The following ABCA5 variants were observed in gnomAD, a reference collection of about 807,000 sequenced individuals.
ABCA5 encodes the protein cholesterol transporter ABCA5.
Under a neutral mutation model 206.0 loss-of-function variants are expected in ABCA5, and 163 were observed. That is an observed-to-expected ratio of 0.79 (90% CI 0.70 to 0.90). The LOEUF is 0.90. Ranked by LOEUF, ABCA5 falls within the 40% of genes least tolerant of loss-of-function variation. The pLI is 0.00. For missense variants in ABCA5, 1,859 were observed against 1,912.9 expected, an observed-to-expected ratio of 0.97 and a Z score of 0.53; for synonymous variants, 609 against 613.8, an observed-to-expected ratio of 0.99 and a Z score of 0.11.
chr17:69,277,545 T>C (rs2075347650), intron 19 of ABCA5, 96 bp downstream of exon 19: 1 of 959,324 alleles, frequency 1.0e-6, no homozygotes, highest in African/African-American at 1.7e-5. Flanking sequence ...ATATAAATTA[T>C]TTACATATGT....
intron 16 of ABCA5, 26 bp from the exon 17 acceptor site, chr17:69,286,063 A>G (rs1485650755): frequency 2.5e-6 from 4 of 1,595,150 alleles, no homozygotes; most frequent in South Asian, 1.1e-5. Flanking sequence ...AATCACAATT[A>G]ATGATTATAC....
At position 69,261,186 on chromosome 17, in the gene ABCA5, T is replaced by C. The variant is rs2075142824; in HGVS notation, c.3503A>G (p.Tyr1168Cys). The C allele has an allele frequency of 2.5e-6, 4 of 1,608,332 alleles. No individual in the cohort carries two copies. The highest frequency in any genetic ancestry group is 3.4e-6 in the Non-Finnish European group (4 of 1,176,882). The change falls in exon 26 of 39, where the codon TAT (tyrosine) becomes TGT (cysteine). Residue 1168 changes from tyrosine (Y) to cysteine (C), a missense_variant. Tyr to Cys is a radical substitution (Grantham distance 194). Transcript: ENST00000392676. ...GATTGGAATGATGATACAAAAGGCA[T>C]AATGAAGAATAGTTGCAATTGTGTA... ...MGYTIATILH[Y>C]AFCIIIPIYP...
In ABCA5 at chr17:69,250,533, C is replaced by G. The variant is rs118115378; in HGVS notation, c.4624G>C (p.Glu1542Gln). 8.7e-6 allele frequency: 14 copies of G among 1,604,820 alleles called. No homozygotes were observed. Among genetic ancestry groups the G allele is most frequent in the Admixed American group, 1.7e-5 (1 of 57,808 alleles). ...IKLKDWIENLEVDRLQREIQY... is the reference protein window; with the variant it reads ...IKLKDWIENLQVDRLQREIQY... ...ATTTCTCTTTGAAGGCGGTCTACTT[C>G]TAGGTTTTCTATCCAGTCCTTCAAT... The change falls in exon 36 of 39, where the codon GAA becomes CAA. Residue 1542 changes from glutamate (E) to glutamine (Q), a missense_variant. Glu to Gln is a conservative substitution (Grantham distance 29). Transcript: ENST00000392676.
At chr17:69,322,409 G>A (rs9912665) in intron 1 of ABCA5, among the ~76,000 whole-genome samples, 14,293 of 138,422 alleles carry the variant, frequency 0.1, 757 homozygotes, top group Middle Eastern at 0.12. Flanking sequence ...TACGTTCCAA[G>A]TCCTACGAAA....
At chr17:69,320,393 C>T (rs1339736817) in intron 1 of ABCA5, among the ~76,000 whole-genome samples, 1 of 152,160 alleles carries the variant, frequency 6.6e-6, no homozygotes, top group Non-Finnish European at 1.5e-5. Flanking sequence ...AGTATTAACT[C>T]TGTCATCAAA....
intron 18 of ABCA5, 94 bp from the exon 19 acceptor site, chr17:69,277,936 C>T (rs1201165879): frequency 1.1e-6 from 1 of 922,040 alleles, no homozygotes; most frequent in Non-Finnish European, 1.6e-6. Flanking sequence ...ATTGGTCTGG[C>T]AGTTATGTGG....
At chr17:69,305,970 A>C (rs2145023487) in intron 6 of ABCA5, among the ~76,000 whole-genome samples, 1 of 152,338 alleles carries the variant, frequency 6.6e-6, no homozygotes, top group South Asian at 2.1e-4. Context: ...GTAAAGTGTT[A>C]ATGATTAATT....
chr17:69,261,788 C>T lies in ABCA5; in HGVS notation c.3316-40G>A, dbSNP rs187949751. ...TATGTTTCTATAAAAATATGAATAGCTTGCAATACACATGACATGAAATAC... is the reference window on the plus strand; with the variant it reads ...TATGTTTCTATAAAAATATGAATAGTTTGCAATACACATGACATGAAATAC... On this transcript the variant is annotated intron_variant, in intron 24 of 38. Coordinates refer to ENST00000392676, the MANE Select transcript of ABCA5 (RefSeq NM_172232.4). 65 of 805,780 alleles carry T rather than the reference C, an allele frequency of 8.1e-5. No individual in the cohort carries two copies. In the African/African-American group the frequency reaches 9.3e-4, roughly 12 times the overall value. 49.9% of individuals were successfully genotyped at this position (805,780 alleles called of 1,614,324 possible).
At chr17:69,264,000 T>C (rs1475210056) in intron 24 of ABCA5, among the ~76,000 whole-genome samples, 5 of 152,122 alleles carry the variant, frequency 3.3e-5, no homozygotes, top group Admixed American at 3.3e-4. Context: ...CCAGCTTATG[T>C]AGGATTCCTT....
intron 32 of ABCA5, 92 bp downstream of exon 32, chr17:69,254,223 G>T: frequency 1.9e-6 from 2 of 1,046,040 alleles, no homozygotes; most frequent in Non-Finnish European, 1.4e-6. Context: ...AAAAATCATT[G>T]TCCACAGAAA....
In ABCA5 at chr17:69,271,219, A is replaced by G; in HGVS notation, c.2835T>C (p.Ser945=). ...TATGGGGAGCCACGGATACATAGTC[A>G]CTGTCATTAATCATCGTCACCATTA... The part of the protein sequence containing the change: ...QNIMVTMIND[S]DYVSVAPHSA... Residue 945 remains serine (S), a synonymous_variant, in exon 21 of 39, where the codon AGT becomes AGC. Coordinates refer to ENST00000392676, the MANE Select transcript of ABCA5 (RefSeq NM_172232.4). 6.2e-7 allele frequency: 1 copy of G among 1,613,458 alleles called. No individual in the cohort carries two copies. Among genetic ancestry groups the G allele is most frequent in the Non-Finnish European group, 8.5e-7 (1 of 1,179,536 alleles).
chr17:69,273,846 GCAGA>G (rs2075301150), intron 20 of ABCA5, 109 bp downstream of exon 20: 1 of 971,726 alleles, frequency 1.0e-6, no homozygotes, highest in South Asian at 2.2e-5. Context: ...TAGATTTCAT[GCAGA>G]CAGACCATGC....
chr17:69,287,897 A>AG, intron 14 of ABCA5, 146 bp from the exon 15 acceptor site: 1 of 799,600 alleles, frequency 1.3e-6, no homozygotes, highest in South Asian at 4.1e-5. Flanking sequence ...TTCATAATTG[A>AG]GTTCACATAA....
chr17:69,275,195 T>C (rs1313373552), intron 19 of ABCA5, among the ~76,000 whole-genome samples: 2 of 152,118 alleles, frequency 1.3e-5, no homozygotes, highest in African/African-American at 4.8e-5. Flanking sequence ...GAGAAGCAAA[T>C]AAAAATACAA....
At chr17:69,264,136 G>A (rs1013663479) in intron 24 of ABCA5, among the ~76,000 whole-genome samples, 1 of 152,052 alleles carries the variant, frequency 6.6e-6, no homozygotes, top group African/African-American at 2.4e-5. Flanking sequence ...GGGCAGTATG[G>A]CCACTTTAAT....
At chr17:69,317,408 A>G (rs976776518) in intron 1 of ABCA5, among the ~76,000 whole-genome samples, 141 of 151,498 alleles carry the variant, frequency 9.3e-4, no homozygotes, top group African/African-American at 3.3e-3. Context: ...TCAAAAAAAA[A>G]AAAAAAAAAA....
intron 28 of ABCA5, 83 bp downstream of exon 28, chr17:69,259,623 G>T: frequency 2.1e-6 from 2 of 946,748 alleles, no homozygotes; most frequent in Non-Finnish European, 3.1e-6. Flanking sequence ...TGCTGGAAAT[G>T]TTCCAAAATT....
At chr17:69,301,409 T>C (rs1289073274) in intron 8 of ABCA5, 123 bp from the exon 9 acceptor site, 4 of 600,674 alleles carry the variant, frequency 6.7e-6, no homozygotes, top group Non-Finnish European at 5.4e-6. Context: ...TTTAATAGAT[T>C]AAACACTTGA....
rs3052556 is a variant in ABCA5, at chr17:69,274,839, C to CTTTTTTTTTTTTTTTTTTTTTTTTTTTT, written c.2595-712_2595-711insAAAAAAAAAAAAAAAAAAAAAAAAAAAA. Among the ~76,000 whole-genome samples, 8 of 85,754 alleles carry CTTTTTTTTTTTTTTTTTTTTTTTTTTTT rather than the reference C, an allele frequency of 9.3e-5. 2 individuals are homozygous for CTTTTTTTTTTTTTTTTTTTTTTTTTTTT. Among genetic ancestry groups the CTTTTTTTTTTTTTTTTTTTTTTTTTTTT allele is most frequent in the African/African-American group, 3.5e-4 (8 of 22,710 alleles). The allele number at this position is 85,754 out of a possible 152,430, so 56.3% of individuals were successfully genotyped here. A position where few individuals can be genotyped will look rare whatever the true frequency, so the allele number is the denominator to read the frequency against. On this transcript the variant is annotated intron_variant, in intron 19 of 38. Transcript: ENST00000392676. ...GTCCTGTCTCTATCTTAACCATTTA[C>CTTTTTTTTTTTTTTTTTTTTTTTTTTTT]TTTTTTTTTTTTTTTTTTTTTTGAG...
Sources: allele counts gnomAD v4.1 joint callset (sites outside exome capture counted in the v4.1 genomes callset), GRCh38; gene constraint gnomAD v4.1.1; transcripts MANE v1.5; gene names NCBI Gene and HGNC (gene_info 2026-07-23, HGNC 2026-07-21).